The following DOCK4 variants were observed in gnomAD, a reference collection of about 807,000 sequenced individuals.
DOCK4 encodes the protein dedicator of cytokinesis protein 4.
Under a neutral mutation model 268.1 loss-of-function variants are expected in DOCK4, and 97 were observed. The ratio of observed to expected loss-of-function variants is 0.36; its 90% CI spans 0.31 to 0.43. The LOEUF (loss-of-function observed/expected upper bound fraction) is 0.43. Among genes scored for constraint, DOCK4 ranks in the 20% least tolerant of loss-of-function variants. The pLI, the probability that DOCK4 is intolerant of heterozygous loss-of-function variation, is 1.00. For synonymous variants in DOCK4, 954 were observed against 887.2 expected, an observed-to-expected ratio of 1.08 and a Z score of -1.34; for missense variants, 2,145 against 2,455.7, an observed-to-expected ratio of 0.87 and a Z score of 2.67.
At chr7:112,023,450 C>A in intron 1 of DOCK4, 1 of 310,132 alleles carries the variant, frequency 3.2e-6, no homozygotes, top group Non-Finnish European at 6.4e-6. Flanking sequence ...GACAGGGTGA[C>A]AGAGCACAGT....
intron 1 of DOCK4, among the ~76,000 whole-genome samples, chr7:112,116,936 T>C (rs564045486): frequency 1.3e-5 from 2 of 152,266 alleles, no homozygotes; most frequent in East Asian, 3.9e-4. Flanking sequence ...AATACAAATT[T>C]GTTCTAATGC....
At chr7:112,202,217 G>A (rs1821007101) in intron 1 of DOCK4, among the ~76,000 whole-genome samples, 1 of 152,192 alleles carries the variant, frequency 6.6e-6, no homozygotes, top group Non-Finnish European at 1.5e-5. Context: ...CAGTGGAATT[G>A]TTGGATCATA....
chr7:111,782,768 T>C (rs537856739), intron 35 of DOCK4, 96 bp downstream of exon 35: 4 of 1,233,134 alleles, frequency 3.2e-6, no homozygotes, highest in South Asian at 1.2e-5. Flanking sequence ...CTAAGAAACA[T>C]CACATTGCAG....
chr7:112,134,821 G>A (rs989279482), intron 1 of DOCK4, among the ~76,000 whole-genome samples: 5 of 152,102 alleles, frequency 3.3e-5, no homozygotes, highest in South Asian at 4.1e-4. Context: ...GTTTCAAAGT[G>A]CCACAATGCA....
chr7:112,183,256 G>A (rs1819210338), intron 1 of DOCK4, among the ~76,000 whole-genome samples: 1 of 151,726 alleles, frequency 6.6e-6, no homozygotes, highest in Non-Finnish European at 1.5e-5. Context: ...CTTAATGGAA[G>A]GTCCTCCATT....
At chr7:111,857,868 C>T (rs1015670329) in intron 23 of DOCK4, among the ~76,000 whole-genome samples, 1 of 152,188 alleles carries the variant, frequency 6.6e-6, no homozygotes, top group Non-Finnish European at 1.5e-5. Context: ...CTCTTCTATT[C>T]ATGGCCTTCA....
At chr7:111,934,322 A>T (rs1794506860) in intron 12 of DOCK4, among the ~76,000 whole-genome samples, 1 of 152,158 alleles carries the variant, frequency 6.6e-6, no homozygotes, top group African/African-American at 2.4e-5. Context: ...CTAGTACAAT[A>T]CTATGTACCT....
intron 1 of DOCK4, among the ~76,000 whole-genome samples, chr7:112,067,630 C>T (rs912063886): frequency 2.0e-5 from 3 of 152,170 alleles, no homozygotes; most frequent in Non-Finnish European, 2.9e-5. Flanking sequence ...TTGGAAGCAG[C>T]ATTACTTGTA....
chr7:112,065,266 G>T (rs926429251), intron 1 of DOCK4, among the ~76,000 whole-genome samples: 1 of 151,800 alleles, frequency 6.6e-6, no homozygotes, highest in Non-Finnish European at 1.5e-5. Context: ...ACACCAGCAT[G>T]GCTTGGAGTG....
At chr7:111,782,659 C>T (rs1798860292) in intron 35 of DOCK4, among the ~76,000 whole-genome samples, 1 of 152,048 alleles carries the variant, frequency 6.6e-6, no homozygotes, top group African/African-American at 2.4e-5. Context: ...AGGGGATGCA[C>T]CTTGTAATGT....
rs548955834 is a variant in DOCK4, at chr7:111,929,151, C to T, written c.1066+6389G>A. Reference sequence around the variant, plus strand: ...GTATATATGTACATATGTGTGTATACATGCATATATAAGTGTATATGTACA... The same window carrying T: ...GTATATATGTACATATGTGTGTATATATGCATATATAAGTGTATATGTACA... On this transcript the variant is annotated intron_variant, in intron 12 of 52. Coordinates refer to ENST00000428084, the MANE Select transcript of DOCK4 (RefSeq NM_001363540.2). Among the ~76,000 whole-genome samples the T allele has an allele frequency of 3.9e-5, 6 of 151,982 alleles. No individual in the cohort carries two copies. The East Asian group carries it at 1.2e-3, about 29-fold the overall frequency.
intron 5 of DOCK4, among the ~76,000 whole-genome samples, chr7:111,992,254 C>T (rs148692880): frequency 1.3e-3 from 200 of 152,120 alleles, no homozygotes; most frequent in Non-Finnish European, 2.2e-3. Context: ...ATATTATGGC[C>T]CCCATCAAAC....
At chr7:112,190,471 A>C (rs1819852177) in intron 1 of DOCK4, among the ~76,000 whole-genome samples, 1 of 152,188 alleles carries the variant, frequency 6.6e-6, no homozygotes, top group Non-Finnish European at 1.5e-5. Flanking sequence ...GTGGATGGTC[A>C]GCCCAGGAAG....
chr7:111,741,205 A>T lies in DOCK4; in HGVS notation c.4929T>A (p.Ser1643Arg). ...TRVIPRRSPL[S>R]YPAVNRYSSS... ...AAGAATATCGGTTGACAGCTGGGTA[A>T]CTTAACGGGCTGTTTCAGGGGGAAA... The change falls in exon 47 of 53, where the codon AGT becomes AGA. Residue 1643 changes from serine to arginine, a missense_variant. This residue lies in a region of DOCK4 where 547 missense variants were observed against 469.0 expected (regional missense o/e 1.17). Transcript: ENST00000428084. The T allele has an allele frequency of 1.2e-6, 2 of 1,613,930 alleles. No homozygotes were observed. Among genetic ancestry groups the T allele is most frequent in the Non-Finnish European group, 8.5e-7 (1 of 1,179,884 alleles).
At chr7:111,878,815 G>A (rs912861558) in intron 16 of DOCK4, among the ~76,000 whole-genome samples, 3 of 152,138 alleles carry the variant, frequency 2.0e-5, no homozygotes, top group African/African-American at 7.2e-5. Context: ...TCAGCAGCTG[G>A]AACTTGAGTT....
chr7:112,174,525 C>G (rs1284180609), intron 1 of DOCK4, among the ~76,000 whole-genome samples: 1 of 151,998 alleles, frequency 6.6e-6, no homozygotes, highest in Non-Finnish European at 1.5e-5. Flanking sequence ...TGCACATACA[C>G]AAACACACAC....
rs558982457 is a variant in DOCK4 at position 111,840,813 on chromosome 7, A to T, written c.2736+3950T>A. 10 of 1,346,330 alleles carry T rather than the reference A, an allele frequency of 7.4e-6. No homozygotes were observed. The Admixed American group carries it at 2.0e-4, about 26-fold the overall frequency. 83.4% of individuals were successfully genotyped at this position (1,346,330 alleles called of 1,614,324 possible). On this transcript the variant is annotated intron_variant, in intron 25 of 52. Coordinates refer to ENST00000428084, the MANE Select transcript of DOCK4 (RefSeq NM_001363540.2). ...TTTCCATATGTGTCTGCACAGACTG[A>T]AAAGGTGCTCAATGTAGTACTGCCA...
intron 1 of DOCK4, among the ~76,000 whole-genome samples, chr7:112,168,123 T>A (rs1411088602): frequency 6.6e-6 from 1 of 152,204 alleles, no homozygotes; most frequent in Non-Finnish European, 1.5e-5. Context: ...GGCTGCCTGG[T>A]ACTTAACTAG....
chr7:111,931,023 C>CAG (rs960685775), intron 12 of DOCK4, among the ~76,000 whole-genome samples: 3 of 152,104 alleles, frequency 2.0e-5, no homozygotes, highest in African/African-American at 4.8e-5. Context: ...TAGAAAGGAT[C>CAG]AGAGAGAGAG....
Sources: gnomAD v4.1 joint callset for allele counts (sites outside exome capture counted in the v4.1 genomes callset) on GRCh38, gnomAD v4.1.1 for gene constraint, gnomAD v4.1.1 regional missense constraint, MANE v1.5 for transcripts, NCBI Gene and HGNC (gene_info 2026-07-23, HGNC 2026-07-21) for gene names.